Variants in CDK8 observed in about 807,000 individuals in gnomAD.
CDK8 encodes cyclin-dependent kinase 8.
A neutral mutation model predicts 71.5 loss-of-function variants in CDK8; 29 were observed. The ratio of observed to expected loss-of-function variants is 0.41; its 90% CI spans 0.30 to 0.55. CDK8 has a LOEUF of 0.55. Among genes scored for constraint, CDK8 ranks in the 20% least tolerant of loss-of-function variants. The probability of loss-of-function intolerance (pLI) is 0.37; values close to 1 mark genes in which losing one functional copy is unlikely to be tolerated. For synonymous variants in CDK8, 161 were observed against 192.1 expected (o/e 0.84, Z 1.34); for missense variants, 288 against 572.6 (o/e 0.50, Z 5.07).
At chr13:26,368,119 T>C (rs1249399142) in intron 4 of CDK8, among the ~76,000 whole-genome samples, 1 of 152,212 alleles carries the variant, frequency 6.6e-6, no homozygotes, top group African/African-American at 2.4e-5. Flanking sequence ...ATTTCATTAA[T>C]ATCTGTTTAC....
At chr13:26,315,240 A>G (rs932881962) in intron 1 of CDK8, among the ~76,000 whole-genome samples, 34 of 152,214 alleles carry the variant, frequency 2.2e-4, no homozygotes, top group African/African-American at 7.5e-4. Flanking sequence ...AAGATCATAG[A>G]TATGTGAATG....
At chr13:26,395,097 G>A (rs1875921240) in intron 7 of CDK8, among the ~76,000 whole-genome samples, 2 of 152,194 alleles carry the variant, frequency 1.3e-5, no homozygotes, top group South Asian at 4.1e-4. Context: ...GGAGTGTAGT[G>A]TATGTTTAGT....
In CDK8 at chr13:26,401,102, A is replaced by G. The variant is rs1460188821; in HGVS notation, c.1032-167A>G. On this transcript the variant is annotated intron_variant, in intron 10 of 12. Coordinates refer to ENST00000381527, the MANE Select transcript of CDK8 (RefSeq NM_001260.3). This position sits in a 1 kb window ranked among gnomAD's most constrained non-coding sequence, Gnocchi z 4.5. ...TCAAGTAGCCTGCTGTAATATTACT[A>G]GTTACAAAGAAAAGATTCGTTTTGT... 6.6e-6 allele frequency among the ~76,000 whole-genome samples: 1 copy of G among 152,192 alleles called. No homozygotes were observed. Among genetic ancestry groups the G allele is most frequent in the Middle Eastern group, 3.2e-3 (1 of 316 alleles).
At position 26,294,666 on chromosome 13, in the gene CDK8, C is replaced by G. The variant is rs115242739; in HGVS notation, c.128+39897C>G. Reference sequence around the variant, plus strand: ...CATTTCCCTGATGATTAGTGATGCTCAGCATTTTTTCGTATGTCTGTTGGC... The same window carrying G: ...CATTTCCCTGATGATTAGTGATGCTGAGCATTTTTTCGTATGTCTGTTGGC... On this transcript the variant is annotated intron_variant, in intron 1 of 12. Coordinates refer to ENST00000381527, the MANE Select transcript of CDK8 (RefSeq NM_001260.3). Among the ~76,000 whole-genome samples the G allele has an allele frequency of 8.0e-3, 1,217 of 152,220 alleles. 26 individuals carry two copies. Among genetic ancestry groups the G allele is most frequent in the African/African-American group, 0.026 (1,095 of 41,528 alleles).
chr13:26,350,421 G>A (rs1191789201), intron 3 of CDK8, among the ~76,000 whole-genome samples: 1 of 152,128 alleles, frequency 6.6e-6, no homozygotes, highest in African/African-American at 2.4e-5. Context: ...GATCACTTGA[G>A]CCAAAGTGTT....
intron 2 of CDK8, among the ~76,000 whole-genome samples, chr13:26,340,487 G>A (rs1873193241): frequency 6.6e-6 from 1 of 152,118 alleles, no homozygotes; most frequent in African/African-American, 2.4e-5. Context: ...GTGGCTAATG[G>A]TACGTAGGGG....
chr13:26,404,326 G>T lies in CDK8; in HGVS notation c.*245G>T. ...GTGTTGTGGATTTGCTACTTCCATA[G>T]TTTACTTGACATGGTTCAGACTGAC... On this transcript the variant is annotated 3_prime_UTR_variant, in exon 13 of 13. Transcript: ENST00000381527. The T allele has an allele frequency of 2.4e-6, 1 of 414,120 alleles. No individual in the cohort carries two copies. Among genetic ancestry groups the T allele is most frequent in the African/African-American group, 2.0e-5 (1 of 50,916 alleles). 25.7% of individuals were successfully genotyped at this position (414,120 alleles called of 1,614,324 possible). A position where few individuals can be genotyped will look rare whatever the true frequency, so the allele number is the denominator to read the frequency against.
At chr13:26,374,523 TATA>T (rs1874855525) in intron 4 of CDK8, among the ~76,000 whole-genome samples, 1 of 152,036 alleles carries the variant, frequency 6.6e-6, no homozygotes, top group Non-Finnish European at 1.5e-5. Context: ...AAAACACTCT[TATA>T]GTATATGAAA....
chr13:26,367,046 G>A (rs1874423525), intron 4 of CDK8, among the ~76,000 whole-genome samples: 1 of 152,104 alleles, frequency 6.6e-6, no homozygotes, highest in African/African-American at 2.4e-5. Flanking sequence ...TCTTATTAGA[G>A]TAAACTTGTT....
chr13:26,333,006 A>C (rs1027535520), intron 1 of CDK8, among the ~76,000 whole-genome samples: 1 of 152,184 alleles, frequency 6.6e-6, no homozygotes, highest in African/African-American at 2.4e-5. Context: ...ATTTCATGTG[A>C]CAGGCCGTAG....
At chr13:26,354,046 T>A (rs1465183748) in intron 4 of CDK8, among the ~76,000 whole-genome samples, 166 bp downstream of exon 4, 2 of 152,196 alleles carry the variant, frequency 1.3e-5, no homozygotes, top group East Asian at 1.9e-4. Flanking sequence ...ATATAATGCC[T>A]CCTGCTTCTC....
intron 4 of CDK8, among the ~76,000 whole-genome samples, chr13:26,367,692 A>T (rs1874455455): frequency 6.6e-6 from 1 of 152,234 alleles, no homozygotes; most frequent in African/African-American, 2.4e-5. Flanking sequence ...CTGCTATATC[A>T]TCACTATCCA....
intron 1 of CDK8, among the ~76,000 whole-genome samples, chr13:26,289,051 G>GTTTT (rs5802371): frequency 5.3e-4 from 30 of 56,244 alleles, no homozygotes; most frequent in African/African-American, 1.1e-3. Flanking sequence ...AGCTTCTGTA[G>GTTTT]TTTTTTTTTT....
At chr13:26,288,921 T>C (rs994576296) in intron 1 of CDK8, among the ~76,000 whole-genome samples, 1 of 151,928 alleles carries the variant, frequency 6.6e-6, no homozygotes, top group African/African-American at 2.4e-5. Flanking sequence ...CTGGCTAATT[T>C]TGTACTTAAG....
intron 6 of CDK8, among the ~76,000 whole-genome samples, chr13:26,390,825 A>G (rs983172560): frequency 1.3e-5 from 2 of 152,216 alleles, no homozygotes; most frequent in African/African-American, 4.8e-5. Flanking sequence ...TTTGGTCTGT[A>G]TAGCATGCCA....
At chr13:26,396,781 T>C (rs1279817479) in intron 8 of CDK8, among the ~76,000 whole-genome samples, 3 of 152,100 alleles carry the variant, frequency 2.0e-5, no homozygotes, top group East Asian at 1.9e-4. Context: ...AAGCCAGGGA[T>C]TGGGAGAGTT....
chr13:26,351,713 T>C (rs1210185572), intron 3 of CDK8, among the ~76,000 whole-genome samples: 3 of 152,162 alleles, frequency 2.0e-5, no homozygotes, highest in Admixed American at 6.5e-5. Flanking sequence ...CTTAATAATA[T>C]TTAAGCCAAA....
intron 1 of CDK8, among the ~76,000 whole-genome samples, chr13:26,292,610 A>G (rs1341946482): frequency 1.3e-5 from 2 of 152,218 alleles, no homozygotes; most frequent in Non-Finnish European, 2.9e-5. Flanking sequence ...GGAAGCAGGA[A>G]AATGTGATAT....
At chr13:26,255,043 G>A (rs1871457842) in intron 1 of CDK8, among the ~76,000 whole-genome samples, 1 of 152,142 alleles carries the variant, frequency 6.6e-6, no homozygotes. Flanking sequence ...GGATTTCAAA[G>A]CTGATTCATG....
Sources: allele counts gnomAD v4.1 joint callset (sites outside exome capture counted in the v4.1 genomes callset), GRCh38; gene constraint gnomAD v4.1.1; non-coding constraint Gnocchi (gnomAD v3.1); transcripts MANE v1.5; gene names NCBI Gene and HGNC (gene_info 2026-07-23, HGNC 2026-07-21).